Variants in XPOT observed in about 807,000 individuals in gnomAD.
The protein encoded by XPOT is exportin-T.
A neutral mutation model predicts 128.2 loss-of-function variants in XPOT; 34 were observed. The observed-to-expected ratio is 0.27, with a 90% CI of 0.20 to 0.35. The LOEUF is 0.35. XPOT is among the 10% of genes least tolerant of loss of function. The pLI is 1.00. For missense variants in XPOT, 838 were observed against 1,125.3 expected, an observed-to-expected ratio of 0.74 and a Z score of 3.65; for synonymous variants, 348 against 394.3, an observed-to-expected ratio of 0.88 and a Z score of 1.39.
intron 15 of XPOT, among the ~76,000 whole-genome samples, chr12:64,427,515 G>A (rs1175275134): frequency 6.6e-6 from 1 of 151,964 alleles, no homozygotes; most frequent in Non-Finnish European, 1.5e-5. Context: ...ATTTTTTTGA[G>A]ATGGGGGTCT....
Position 64,448,153 on chromosome 12 carries a change from A to T in XPOT, c.*22A>T. 10 of 1,613,006 alleles carry T rather than the reference A, an allele frequency of 6.2e-6. No individual in the cohort carries two copies. Among genetic ancestry groups the T allele is most frequent in the Non-Finnish European group, 8.5e-6 (10 of 1,179,018 alleles). On this transcript the variant is annotated 3_prime_UTR_variant, in exon 25 of 25. Coordinates refer to ENST00000332707, the MANE Select transcript of XPOT (RefSeq NM_007235.6). ...CTGAGGACTGGATTTCCCTGTGCCT[A>T]CTTCATGATCATGAATTCCAGTTAA...
chr12:64,416,405 T>C (rs150779456), intron 3 of XPOT, among the ~76,000 whole-genome samples: 95 of 152,354 alleles, frequency 6.2e-4, no homozygotes, highest in African/African-American at 2.2e-3. Context: ...ATCTGGAATT[T>C]AGAGGGATGG....
intron 21 of XPOT, 102 bp downstream of exon 21, chr12:64,435,011 T>TA: frequency 1.0e-6 from 1 of 980,538 alleles, no homozygotes; most frequent in Non-Finnish European, 1.5e-6. Context: ...ATTTTTTTTT[T>TA]AACTTAGTGA....
intron 15 of XPOT, 81 bp from the exon 16 acceptor site, chr12:64,427,970 C>T: frequency 9.7e-6 from 9 of 931,348 alleles, no homozygotes; most frequent in Admixed American, 9.6e-5. Context: ...TTTTTTAGTT[C>T]TGTCTTAAAG....
chr12:64,417,087 T>C (rs982058815), intron 4 of XPOT, among the ~76,000 whole-genome samples: 2 of 152,116 alleles, frequency 1.3e-5, no homozygotes, highest in Non-Finnish European at 2.9e-5. Context: ...TGTGGTGGCA[T>C]GCACCTGTAA....
intron 5 of XPOT, among the ~76,000 whole-genome samples, chr12:64,418,555 A>AT (rs962627625): frequency 1.3e-5 from 2 of 151,574 alleles, no homozygotes; most frequent in African/African-American, 4.9e-5. Context: ...GTAGAGGAAA[A>AT]TTTTTTTTTC....
At position 64,420,383 on chromosome 12, in the gene XPOT, A is replaced by G. The variant is rs753968901; in HGVS notation, c.705A>G (p.Ser235=). The change falls in exon 8 of 25, where the codon TCA becomes TCG. Residue 235 remains serine, a synonymous_variant. Coordinates refer to ENST00000332707, the MANE Select transcript of XPOT (RefSeq NM_007235.6). ...RFINMLLGHM[S]IEVLREEACD... is the part of the protein sequence containing the mutation. ...TAAATATGCTGCTAGGTCATATGTCAATAGAAGTTCTACGGGAAGAAGCAT... is the reference window on the plus strand; with the variant it reads ...TAAATATGCTGCTAGGTCATATGTCGATAGAAGTTCTACGGGAAGAAGCAT... 2 of 1,613,774 alleles carry G rather than the reference A, an allele frequency of 1.2e-6. No homozygotes were observed. Among genetic ancestry groups the G allele is most frequent in the East Asian group, 2.2e-5 (1 of 44,828 alleles).
Position 64,422,917 on chromosome 12 carries a change from AAAC to A in XPOT, c.1081-87_1081-85del. On this transcript the variant is annotated intron_variant, in intron 9 of 24. Transcript: ENST00000332707. Reference sequence around the variant, plus strand: ...GACCTTGTCTCAAAAAAAAAAAAAAAAACCAGGTCTTAATTGATTCGAAAAATG... The same window carrying A: ...GACCTTGTCTCAAAAAAAAAAAAAAACAGGTCTTAATTGATTCGAAAAATG... 4 of 1,384,722 alleles carry A rather than the reference AAAC, an allele frequency of 2.9e-6. No individual in the cohort carries two copies. In the South Asian group the frequency reaches 5.2e-5, roughly 18 times the overall value. 85.8% of individuals were successfully genotyped at this position (1,384,722 alleles called of 1,614,324 possible).
intron 24 of XPOT, among the ~76,000 whole-genome samples, chr12:64,446,994 G>A (rs1255211717): frequency 6.6e-6 from 1 of 152,164 alleles, no homozygotes; most frequent in Admixed American, 6.5e-5. Context: ...ACATGGCAGG[G>A]GAGGCTTCAC....
intron 16 of XPOT, among the ~76,000 whole-genome samples, chr12:64,429,120 A>T (rs533803925): frequency 1.3e-5 from 2 of 152,324 alleles, no homozygotes; most frequent in Admixed American, 1.3e-4. Flanking sequence ...TACAGAAAGG[A>T]CCTTTCTTGT....
At chr12:64,423,552 C>T (rs1026497341) in intron 11 of XPOT, among the ~76,000 whole-genome samples, 1 of 152,002 alleles carries the variant, frequency 6.6e-6, no homozygotes, top group Non-Finnish European at 1.5e-5. Flanking sequence ...CTCCTGGGTT[C>T]AAGTGATTCT....
In XPOT at chr12:64,414,926, A is replaced by G. The variant is rs1456378817; in HGVS notation, c.80A>G (p.Gln27Arg). Residue 27 changes from glutamine to arginine, a missense_variant, in exon 3 of 25, where the codon CAG becomes CGG. Around this residue, in one of 3 missense-constraint regions of XPOT, gnomAD observed 761 missense variants for 988.3 expected, o/e 0.77. Transcript: ENST00000332707. ...FRQRALAYFE[Q>R]LKISPDAWQV... Reference sequence around the variant, plus strand: ...TTATAGGCCCTGGCCTATTTTGAGCAGTTAAAAATTTCCCCAGATGCCTGG... The same window carrying G: ...TTATAGGCCCTGGCCTATTTTGAGCGGTTAAAAATTTCCCCAGATGCCTGG... The G allele has an allele frequency of 6.2e-7, 1 of 1,613,458 alleles. No homozygotes were observed. The highest frequency in any genetic ancestry group is 1.1e-5 in the South Asian group (1 of 91,062).
In XPOT at chr12:64,425,443, A is replaced by G. The variant is rs1012359961; in HGVS notation, c.1558A>G (p.Ile520Val). The G allele has an allele frequency of 6.2e-7, 1 of 1,613,968 alleles. No homozygotes were observed. Among genetic ancestry groups the G allele is most frequent in the Non-Finnish European group, 8.5e-7 (1 of 1,179,936 alleles). Residue 520 changes from isoleucine to valine, a missense_variant, in exon 14 of 25, where the codon ATT becomes GTT. This residue lies in a region of XPOT where 761 missense variants were observed against 988.3 expected (regional missense o/e 0.77). Transcript: ENST00000332707. Reference protein sequence around the residue: ...EKFFTVEPQHIPCVLMAFLDH... With the variant: ...EKFFTVEPQHVPCVLMAFLDH... ...GTTTTTCACAGTTGAACCTCAGCAC[A>G]TTCCATGTGTACTAGTAAGTACTCT...
In XPOT at chr12:64,425,181, C is replaced by G. The variant is rs1419817694; in HGVS notation, c.1451C>G (p.Thr484Ser). ...AGTGCTTTGCAGGATATGATGCGAA[C>G]TGTAAGTATACTGGAGATAATTTTG... ...KASALQDMMR[T>S]LVTSGVSSYQ... Residue 484 changes from threonine to serine, a missense_variant and splice_region_variant, in exon 13 of 25, where the codon ACT (threonine) becomes AGT (serine). By Grantham distance (58) the Thr-to-Ser change is moderately conservative. This residue lies in a region of XPOT where 761 missense variants were observed against 988.3 expected (regional missense o/e 0.77). Coordinates refer to ENST00000332707, the MANE Select transcript of XPOT (RefSeq NM_007235.6). The G allele has an allele frequency of 6.2e-7, 1 of 1,613,890 alleles. No individual in the cohort carries two copies. Among genetic ancestry groups the G allele is most frequent in the African/African-American group, 1.3e-5 (1 of 74,924 alleles).
intron 2 of XPOT, among the ~76,000 whole-genome samples, chr12:64,410,814 A>G (rs1411967468): frequency 7.1e-6 from 1 of 140,660 alleles, no homozygotes; most frequent in African/African-American, 2.7e-5. Flanking sequence ...TGAATGATAG[A>G]AAAATATAAA....
chr12:64,414,164 C>T (rs564962505), intron 2 of XPOT, among the ~76,000 whole-genome samples: 117 of 152,320 alleles, frequency 7.7e-4, no homozygotes, highest in African/African-American at 2.7e-3. Context: ...CCTGAAGTAA[C>T]TCCCATTTTC....
intron 4 of XPOT, 47 bp downstream of exon 4, chr12:64,416,801 AT>A (rs1241645599): frequency 2.7e-6 from 4 of 1,476,696 alleles, no homozygotes; most frequent in East Asian, 2.3e-5. Flanking sequence ...GGGAGAGGTC[AT>A]TTTTTTAATT....
intron 16 of XPOT, among the ~76,000 whole-genome samples, chr12:64,428,914 A>G (rs1193903183): frequency 6.6e-6 from 1 of 152,212 alleles, no homozygotes; most frequent in Non-Finnish European, 1.5e-5. Flanking sequence ...TCAGAAAGCA[A>G]AATGTGTAAG....
chr12:64,439,181 G>T, intron 22 of XPOT, 63 bp from the exon 23 acceptor site: 2 of 1,480,350 alleles, frequency 1.4e-6, no homozygotes, highest in South Asian at 2.3e-5. Flanking sequence ...GTATTGTTCC[G>T]ATTCTTTTTA....
Sources: gnomAD v4.1 joint callset for allele counts (sites outside exome capture counted in the v4.1 genomes callset) on GRCh38, gnomAD v4.1.1 for gene constraint, gnomAD v4.1.1 regional missense constraint, MANE v1.5 for transcripts, NCBI Gene and HGNC (gene_info 2026-07-23, HGNC 2026-07-21) for gene names.